The following CREB1 variants were observed in gnomAD, a reference collection of about 807,000 sequenced individuals.
CREB1 encodes the protein cAMP responsive element binding protein 1, also known as cyclic AMP-responsive element-binding protein 1.
In CREB1, 2 loss-of-function variants were observed where a neutral mutation model predicts 42.0. The observed-to-expected ratio is 0.05, with a 90% CI of 0.02 to 0.15. CREB1 has a LOEUF of 0.15. CREB1 is among the 10% of genes least tolerant of loss of function. CREB1 has a pLI of 1.00. For missense variants in CREB1, 199 were observed against 388.9 expected (o/e 0.51, Z 4.11); for synonymous variants, 123 against 139.9 (o/e 0.88, Z 0.85).
At chr2:207,580,809 G>A (rs1302092700) in intron 7 of CREB1, 8 of 223,284 alleles carry the variant, frequency 3.6e-5, no homozygotes, top group South Asian at 3.7e-4. Context: ...GTCAGTTGCT[G>A]TGGCTCTCCT....
At position 207,597,523 on chromosome 2, in the gene CREB1, G is replaced by C. The variant is rs999812231; in HGVS notation, c.*465G>C. ...ATGAAGAAGTGTTGATTGCCAAATT[G>C]ACATGTTGTCACATTCTCATTGTGA... On this transcript the variant is annotated 3_prime_UTR_variant, in exon 8 of 8. Coordinates refer to ENST00000353267, the MANE Select transcript of CREB1 (RefSeq NM_004379.5). 4 of 217,684 alleles carry C rather than the reference G, an allele frequency of 1.8e-5. No individual in the cohort carries two copies. The highest frequency in any genetic ancestry group is 9.0e-5 in the African/African-American group (4 of 44,456). The allele number at this position is 217,684 out of a possible 1,614,324, so 13.5% of individuals were successfully genotyped here.
chr2:207,552,606 C>CT (rs1186619713), intron 1 of CREB1, among the ~76,000 whole-genome samples: 2,067 of 136,602 alleles, frequency 0.015, 56 homozygotes, highest in African/African-American at 0.044. Context: ...TTGTGAATGT[C>CT]TTTTTTTTTT....
At chr2:207,592,696 G>A (rs750150524) in intron 7 of CREB1, among the ~76,000 whole-genome samples, 11 of 151,918 alleles carry the variant, frequency 7.2e-5, no homozygotes, top group Admixed American at 2.6e-4. Context: ...CAAGGCAGGC[G>A]GATCACGAGG....
chr2:207,556,728 C>T (rs1367753360), intron 2 of CREB1, among the ~76,000 whole-genome samples: 1 of 152,212 alleles, frequency 6.6e-6, no homozygotes, highest in East Asian at 1.9e-4. Flanking sequence ...ATCTAATGTA[C>T]TCATACGAGG....
intron 7 of CREB1, among the ~76,000 whole-genome samples, chr2:207,579,465 AC>A (rs1396824985): frequency 3.9e-5 from 6 of 152,050 alleles, no homozygotes; most frequent in Admixed American, 3.9e-4. Context: ...CAAAATGTTT[AC>A]CCCCGTTGAC....
chr2:207,553,631 T>C (rs2081603107), intron 1 of CREB1, among the ~76,000 whole-genome samples: 1 of 152,228 alleles, frequency 6.6e-6, no homozygotes, highest in East Asian at 1.9e-4. Context: ...TGTATGCATC[T>C]CAAAATCATG....
chr2:207,570,404 A>G, intron 5 of CREB1, 83 bp downstream of exon 5: 2 of 1,340,762 alleles, frequency 1.5e-6, no homozygotes, highest in South Asian at 3.1e-5. Flanking sequence ...TCTTCAGAGA[A>G]ACCAATACAA....
intron 1 of CREB1, among the ~76,000 whole-genome samples, chr2:207,530,954 C>T (rs2080593588): frequency 6.6e-6 from 1 of 150,964 alleles, no homozygotes; most frequent in Non-Finnish European, 1.5e-5. Context: ...GAATTTTTGA[C>T]TCCCTCACCC....
intron 1 of CREB1, among the ~76,000 whole-genome samples, chr2:207,553,421 G>A (rs551324131): frequency 2.0e-4 from 31 of 152,132 alleles, no homozygotes; most frequent in South Asian, 1.0e-3. Context: ...TTCTTATTTT[G>A]AGTTTAAAAG....
At chr2:207,552,577 G>A (rs2106436278) in intron 1 of CREB1, among the ~76,000 whole-genome samples, 1 of 151,770 alleles carries the variant, frequency 6.6e-6, no homozygotes, top group South Asian at 2.1e-4. Flanking sequence ...GTTTACAGGG[G>A]GAGAAAATGA....
intron 2 of CREB1, among the ~76,000 whole-genome samples, chr2:207,558,605 C>T (rs2081827502): frequency 6.6e-6 from 1 of 151,998 alleles, no homozygotes; most frequent in Non-Finnish European, 1.5e-5. Flanking sequence ...ACCAGTTTTC[C>T]CCCTGAAATA....
chr2:207,573,940 TTCTTTCAA>T (rs1232136051), intron 5 of CREB1, among the ~76,000 whole-genome samples: 1 of 152,246 alleles, frequency 6.6e-6, no homozygotes, highest in Non-Finnish European at 1.5e-5. Flanking sequence ...AACCTTCTGA[TTCTTTCAA>T]GTAATCATGC....
In CREB1 at chr2:207,601,856, TTTG is replaced by T. The variant is rs962933628; in HGVS notation, c.*4802_*4804del. On this transcript the variant is annotated 3_prime_UTR_variant, in exon 8 of 8. Coordinates refer to ENST00000353267, the MANE Select transcript of CREB1 (RefSeq NM_004379.5). ...GTTGTACAAAGCACAACTAGAACTT[TTTG>T]TTGGGAGGCTTACATACATCTTGAA... The T allele has an allele frequency of 1.1e-4, 25 of 217,496 alleles. No individual in the cohort carries two copies. The Admixed American group carries it at 1.2e-3, about 10-fold the overall frequency. The allele number at this position is 217,496 out of a possible 1,614,324, so 13.5% of individuals were successfully genotyped here.
At chr2:207,568,425 T>G (rs1217170624) in intron 4 of CREB1, among the ~76,000 whole-genome samples, 1 of 152,128 alleles carries the variant, frequency 6.6e-6, no homozygotes, top group African/African-American at 2.4e-5. Flanking sequence ...ATTTTAACTT[T>G]GAAGTATATC....
intron 5 of CREB1, among the ~76,000 whole-genome samples, chr2:207,574,614 A>C (rs1236743823): frequency 6.6e-6 from 1 of 152,214 alleles, no homozygotes; most frequent in African/African-American, 2.4e-5. Flanking sequence ...GTATTAAATA[A>C]TTTAGAAATG....
chr2:207,561,461 A>C (rs1288472545), intron 3 of CREB1, among the ~76,000 whole-genome samples: 1 of 152,146 alleles, frequency 6.6e-6, no homozygotes. Context: ...TGATTGCTAA[A>C]ATATTCTTCT....
Position 207,560,360 on chromosome 2 carries a change from C to G in CREB1, c.249C>G (p.Val83=). 6.2e-7 allele frequency: 1 copy of G among 1,613,712 alleles called. No individual in the cohort carries two copies. The highest frequency in any genetic ancestry group is 1.7e-4 in the Middle Eastern group (1 of 6,060). ...CATCAGTTATTCAGTCTCCACAAGT[C>G]CAAACAGTTCAGGTATGTGTATAAA... is the stretch of plus-strand genomic sequence containing the variant. ...AQPSVIQSPQ[V]QTVQISTIAE... The change falls in exon 3 of 8, where the codon GTC becomes GTG. Residue 83 remains valine, a synonymous_variant. Transcript: ENST00000353267.
At chr2:207,581,993 G>A (rs1231649702) in intron 7 of CREB1, 12 of 700,426 alleles carry the variant, frequency 1.7e-5, no homozygotes, top group Middle Eastern at 4.6e-4. Flanking sequence ...ATTCCACAGA[G>A]GTATAGTGTG....
intron 3 of CREB1, 46 bp downstream of exon 3, chr2:207,560,418 A>G (rs1281621372): frequency 1.3e-6 from 2 of 1,569,652 alleles, no homozygotes; most frequent in Non-Finnish European, 8.7e-7. Flanking sequence ...ACTTTTGTTT[A>G]TAGCCATATC....
Sources: allele counts gnomAD v4.1 joint callset (sites outside exome capture counted in the v4.1 genomes callset), GRCh38; gene constraint gnomAD v4.1.1; transcripts MANE v1.5; gene names NCBI Gene and HGNC (gene_info 2026-07-23, HGNC 2026-07-21).